The following CTDSPL variants were observed in gnomAD, a reference collection of about 807,000 sequenced individuals.
CTDSPL encodes the protein CTD small phosphatase-like protein.
Under a neutral mutation model 30.5 loss-of-function variants are expected in CTDSPL, and 8 were observed. The observed-to-expected ratio is 0.26, with a 90% CI of 0.15 to 0.47. CTDSPL has a LOEUF of 0.47. CTDSPL is among the 20% of genes least tolerant of loss of function. The probability of loss-of-function intolerance (pLI) is 0.99; values close to 1 mark genes in which losing one functional copy is unlikely to be tolerated. For missense variants in CTDSPL, 248 were observed against 366.1 expected (o/e 0.68, Z 2.63); for synonymous variants, 110 against 137.9 (o/e 0.80, Z 1.42).
chr3:37,874,367 C>T (rs1698109679), intron 1 of CTDSPL, among the ~76,000 whole-genome samples: 1 of 152,090 alleles, frequency 6.6e-6, no homozygotes, highest in Non-Finnish European at 1.5e-5. Context: ...CCAGTGGGTT[C>T]ACCAGGCTGT....
chr3:37,964,032 T>TAAAAAAA lies in CTDSPL; in HGVS notation c.268-508_268-502dup, dbSNP rs58061973. Among the ~76,000 whole-genome samples, 17 of 22,990 alleles carry TAAAAAAA rather than the reference T, an allele frequency of 7.4e-4. 6 individuals are homozygous for TAAAAAAA. The highest frequency in any genetic ancestry group is 4.4e-3 in the East Asian group (2 of 452). 15.1% of individuals were successfully genotyped at this position (22,990 alleles called of 152,430 possible). On this transcript the variant is annotated intron_variant, in intron 3 of 7. Transcript: ENST00000273179. ...CAAGTTTTTTAAAAATCTCAGTCAC[T>TAAAAAAA]AAAAAAAAAAAAAAAAAAAAAAAAA...
intron 1 of CTDSPL, among the ~76,000 whole-genome samples, chr3:37,863,705 C>T (rs1166347022): frequency 2.0e-5 from 3 of 152,126 alleles, no homozygotes; most frequent in South Asian, 4.1e-4. Context: ...TAGAAATCTG[C>T]GTGGGAGTGA....
intron 7 of CTDSPL, among the ~76,000 whole-genome samples, chr3:37,979,289 C>A (rs548061529): frequency 4.0e-5 from 6 of 150,670 alleles, no homozygotes; most frequent in Non-Finnish European, 7.4e-5. Flanking sequence ...AAAGCAAGAT[C>A]CTGTCGCTAC....
rs113710751 is a variant in CTDSPL at position 37,983,943 on chromosome 3, G to A, written c.*3076G>A. On this transcript the variant is annotated 3_prime_UTR_variant, in exon 8 of 8. Coordinates refer to ENST00000273179, the MANE Select transcript of CTDSPL (RefSeq NM_001008392.2). ...ATGATGCTGACTTGTCATGGTTGCAGCATTTGAACTTTTGGTGTTAAAAAA... is the reference window on the plus strand; with the variant it reads ...ATGATGCTGACTTGTCATGGTTGCAACATTTGAACTTTTGGTGTTAAAAAA... 0.014 allele frequency: 3,048 copies of A among 225,670 alleles called. 107 individuals are homozygous for A. The highest frequency in any genetic ancestry group is 0.064 in the African/African-American group (2,848 of 44,844). The allele number at this position is 225,670 out of a possible 1,614,324, so 14.0% of individuals were successfully genotyped here. A position where few individuals can be genotyped will look rare whatever the true frequency, so the allele number is the denominator to read the frequency against.
chr3:37,961,556 G>T (rs1175109879), intron 3 of CTDSPL, among the ~76,000 whole-genome samples: 1 of 152,172 alleles, frequency 6.6e-6, no homozygotes. Flanking sequence ...GAGAGGATTT[G>T]TTTTCTAACA....
At chr3:37,896,141 A>G (rs936070248) in intron 1 of CTDSPL, among the ~76,000 whole-genome samples, 2 of 152,204 alleles carry the variant, frequency 1.3e-5, no homozygotes, top group African/African-American at 4.8e-5. Context: ...TAAGAATCAG[A>G]TGTTTTCCCT....
intron 3 of CTDSPL, among the ~76,000 whole-genome samples, chr3:37,964,175 AT>A (rs1699273882): frequency 1.3e-5 from 2 of 152,094 alleles, no homozygotes; most frequent in Middle Eastern, 3.4e-3. Context: ...ACCTATTATA[AT>A]TAAATACTCA....
At chr3:37,897,434 A>C (rs1559627485) in intron 1 of CTDSPL, among the ~76,000 whole-genome samples, 1 of 152,200 alleles carries the variant, frequency 6.6e-6, no homozygotes. Context: ...CAGAATGCTT[A>C]CGTCATTCTG....
intron 1 of CTDSPL, among the ~76,000 whole-genome samples, chr3:37,865,470 G>A (rs1697998582): frequency 6.6e-6 from 1 of 152,162 alleles, no homozygotes; most frequent in Admixed American, 6.6e-5. Flanking sequence ...TGACTTAATA[G>A]ACTTTTGTGA....
chr3:37,978,072 C>T (rs185480327), intron 7 of CTDSPL, among the ~76,000 whole-genome samples: 111 of 152,294 alleles, frequency 7.3e-4, no homozygotes, highest in African/African-American at 2.5e-3. Context: ...AACCTTTCAC[C>T]TCATAATTTT....
chr3:37,918,161 C>G (rs559687020), intron 1 of CTDSPL, among the ~76,000 whole-genome samples: 4 of 152,194 alleles, frequency 2.6e-5, no homozygotes, highest in Admixed American at 2.0e-4. Flanking sequence ...TAACACACCT[C>G]AGGACCTGGG....
intron 1 of CTDSPL, among the ~76,000 whole-genome samples, chr3:37,908,932 A>T (rs1698548797): frequency 2.0e-5 from 3 of 152,158 alleles, no homozygotes; most frequent in South Asian, 2.1e-4. Flanking sequence ...GTCTTGGGTT[A>T]TTCTTTTCCG....
intron 1 of CTDSPL, among the ~76,000 whole-genome samples, chr3:37,892,447 T>G (rs1698338686): frequency 6.6e-6 from 1 of 152,188 alleles, no homozygotes; most frequent in African/African-American, 2.4e-5. Flanking sequence ...TATAACATAT[T>G]TTTTTAATAC....
chr3:37,893,484 T>C (rs1698353021), intron 1 of CTDSPL, among the ~76,000 whole-genome samples: 1 of 152,208 alleles, frequency 6.6e-6, no homozygotes, highest in South Asian at 2.1e-4. Context: ...GGTTGAGATT[T>C]CTAATGCAAA....
At position 37,975,377 on chromosome 3, in the gene CTDSPL, G is replaced by A. The variant is rs1172247883; in HGVS notation, c.520-332G>A. 2.6e-5 allele frequency among the ~76,000 whole-genome samples: 4 copies of A among 152,318 alleles called. No individual in the cohort carries two copies. The highest frequency in any genetic ancestry group is 5.9e-5 in the Non-Finnish European group (4 of 68,020). On this transcript the variant is annotated intron_variant, in intron 6 of 7. Transcript: ENST00000273179. The surrounding 1 kb of genome is among the most constrained non-coding windows in gnomAD (Gnocchi z 4.9). ...GTGAATGGGCTAGAAAGGAGGCCCC[G>A]TGGGAAAGACAGGTTTTTCACGAGG... is the stretch of plus-strand genomic sequence containing the variant.
chr3:37,940,091 CA>C (rs1209485794), intron 1 of CTDSPL, among the ~76,000 whole-genome samples: 3 of 144,324 alleles, frequency 2.1e-5, no homozygotes, highest in East Asian at 2.0e-4. Flanking sequence ...GACTCCGTCT[CA>C]AAAAAAAAAG....
At chr3:37,928,634 T>C (rs1467466493) in intron 1 of CTDSPL, among the ~76,000 whole-genome samples, 1 of 152,154 alleles carries the variant, frequency 6.6e-6, no homozygotes, top group Non-Finnish European at 1.5e-5. Flanking sequence ...TGTGGTTTGG[T>C]TTTTGTTGTC....
At chr3:37,863,114 G>A (rs1341592201) in intron 1 of CTDSPL, among the ~76,000 whole-genome samples, 2 of 152,160 alleles carry the variant, frequency 1.3e-5, no homozygotes, top group East Asian at 3.9e-4. Flanking sequence ...AGCCATCCCC[G>A]CTTTCTCCCT....
At chr3:37,924,112 G>A (rs558512371) in intron 1 of CTDSPL, among the ~76,000 whole-genome samples, 2 of 152,322 alleles carry the variant, frequency 1.3e-5, no homozygotes, top group Admixed American at 6.5e-5. Context: ...CATTCAACCC[G>A]GTCCAAGGTG....
Sources: allele counts gnomAD v4.1 joint callset (sites outside exome capture counted in the v4.1 genomes callset), GRCh38; gene constraint gnomAD v4.1.1; non-coding constraint Gnocchi (gnomAD v3.1); transcripts MANE v1.5; gene names NCBI Gene and HGNC (gene_info 2026-07-23, HGNC 2026-07-21).